Variants in PGCKA1 observed in about 807,000 individuals in gnomAD.
PGCKA1 encodes the protein PDCD10 and GCKIII kinases-associated protein 1.
chr4:37,547,750 C>G, the PGCKA1 span, among the ~76,000 whole-genome samples: 1 of 152,182 alleles, frequency 6.6e-6, no homozygotes, highest in East Asian at 1.9e-4. Flanking sequence ...CTGGCAGAGG[C>G]AAGGAAAGAC....
the PGCKA1 span, among the ~76,000 whole-genome samples, chr4:37,575,503 T>C: frequency 3.3e-5 from 5 of 152,104 alleles, no homozygotes; most frequent in African/African-American, 1.2e-4. Context: ...GTTATTAATC[T>C]CTTGTCAGAT....
chr4:37,512,454 C>CTTTTTTTTT, the PGCKA1 span, among the ~76,000 whole-genome samples: 1 of 126,966 alleles, frequency 7.9e-6, no homozygotes, highest in Non-Finnish European at 1.6e-5. Flanking sequence ...GTGTTGATTT[C>CTTTTTTTTT]TTTTTTTTTT....
chr4:37,482,149 C>T, the PGCKA1 span, among the ~76,000 whole-genome samples: 2 of 152,100 alleles, frequency 1.3e-5, no homozygotes, highest in African/African-American at 2.4e-5. Context: ...CAAATTGATA[C>T]GGGGTAGTGA....
the PGCKA1 span, among the ~76,000 whole-genome samples, chr4:37,554,783 A>G: frequency 3.3e-5 from 5 of 152,234 alleles, no homozygotes; most frequent in African/African-American, 7.2e-5. Context: ...AGGTATGCCA[A>G]TTGGGGAAAA....
the PGCKA1 span, among the ~76,000 whole-genome samples, chr4:37,584,749 G>T: frequency 6.6e-6 from 1 of 152,056 alleles, no homozygotes; most frequent in Non-Finnish European, 1.5e-5. Context: ...CCGAGGAGCT[G>T]GGAGTGCAAG....
the PGCKA1 span, chr4:37,591,078 G>C: frequency 8.0e-7 from 1 of 1,243,866 alleles, no homozygotes; most frequent in Non-Finnish European, 1.1e-6. Flanking sequence ...ATGCATAGCA[G>C]GTGATTCTGC....
At chr4:37,543,766 A>G in the PGCKA1 span, among the ~76,000 whole-genome samples, 9 of 151,732 alleles carry the variant, frequency 5.9e-5, no homozygotes, top group Non-Finnish European at 8.8e-5. Context: ...CCCAGGAGGC[A>G]GAGCTTGCAG....
the PGCKA1 span, chr4:37,590,026 CCTGTGGTAAAAAG>C: frequency 8.7e-7 from 1 of 1,152,774 alleles, no homozygotes; most frequent in Middle Eastern, 2.0e-4. Flanking sequence ...AGAAGCAGGG[CCTGTGGTAAAAAG>C]CATTAATGAT....
the PGCKA1 span, among the ~76,000 whole-genome samples, chr4:37,583,810 T>C: frequency 6.6e-6 from 1 of 152,142 alleles, no homozygotes; most frequent in Non-Finnish European, 1.5e-5. Flanking sequence ...TAAGAAGTGG[T>C]TGTGAAGGAT....
chr4:37,557,421 C>T, the PGCKA1 span, among the ~76,000 whole-genome samples: 1 of 152,144 alleles, frequency 6.6e-6, no homozygotes, highest in African/African-American at 2.4e-5. Context: ...GGTTTATAAA[C>T]AACAGAAATT....
the PGCKA1 span, among the ~76,000 whole-genome samples, chr4:37,478,513 C>A: frequency 1.3e-5 from 2 of 152,180 alleles, no homozygotes; most frequent in Non-Finnish European, 2.9e-5. Flanking sequence ...GGAACAAATA[C>A]TTCCCGTTGT....
At chr4:37,592,033 C>G in the PGCKA1 span, among the ~76,000 whole-genome samples, 3 of 151,938 alleles carry the variant, frequency 2.0e-5, no homozygotes, top group Admixed American at 6.6e-5. Flanking sequence ...ATAGTGAAAC[C>G]CTGTCTCTAC....
At chr4:37,555,035 C>G in the PGCKA1 span, among the ~76,000 whole-genome samples, 36 of 152,258 alleles carry the variant, frequency 2.4e-4, no homozygotes, top group East Asian at 6.2e-3. Flanking sequence ...ATAGCTGGCT[C>G]CATCTCATCT....
the PGCKA1 span, among the ~76,000 whole-genome samples, chr4:37,581,096 T>C: frequency 6.6e-6 from 1 of 151,934 alleles, no homozygotes; most frequent in Non-Finnish European, 1.5e-5. This position sits in a 1 kb window ranked among gnomAD's most constrained non-coding sequence, Gnocchi z 4.4. Context: ...AGACAGTTTA[T>C]AGTAAGTTCT....
chr4:37,586,367 T>C, the PGCKA1 span, among the ~76,000 whole-genome samples: 18 of 152,306 alleles, frequency 1.2e-4, no homozygotes, highest in Admixed American at 8.5e-4. Context: ...TCCACATTTA[T>C]TGACTGCCTG....
the PGCKA1 span, among the ~76,000 whole-genome samples, chr4:37,568,762 C>T: frequency 6.6e-6 from 1 of 152,170 alleles, no homozygotes; most frequent in African/African-American, 2.4e-5. Context: ...GTGATAACAA[C>T]AAGGAAATCA....
the PGCKA1 span, among the ~76,000 whole-genome samples, chr4:37,506,590 CTT>C: frequency 5.7e-5 from 8 of 139,244 alleles, no homozygotes; most frequent in East Asian, 2.0e-4. Context: ...TCCAAAATTA[CTT>C]TTTTTTTTTT....
chr4:37,464,506 GTC>G, the PGCKA1 span, among the ~76,000 whole-genome samples: 1 of 152,156 alleles, frequency 6.6e-6, no homozygotes, highest in East Asian at 1.9e-4. Flanking sequence ...AATAATCTGA[GTC>G]TCAGCCTCTA....
the PGCKA1 span, chr4:37,588,949 T>G: frequency 1.4e-6 from 2 of 1,414,224 alleles, no homozygotes; most frequent in Non-Finnish European, 2.0e-6. Flanking sequence ...GTGATGAGCG[T>G]GGGGTCACTT....
Sources: gnomAD v4.1 joint callset for allele counts (sites outside exome capture counted in the v4.1 genomes callset) on GRCh38, gnomAD v4.1.1 for gene constraint, Gnocchi (gnomAD v3.1) non-coding constraint, MANE v1.5 for transcripts, NCBI Gene and HGNC (gene_info 2026-07-23, HGNC 2026-07-21) for gene names.